RARB: variants seen among roughly 807,000 people sequenced by gnomAD.
The protein encoded by RARB is retinoic acid receptor beta, also known as HBV-activated protein.
Under a neutral mutation model 51.9 loss-of-function variants are expected in RARB, and 17 were observed. That is an observed-to-expected ratio of 0.33 (90% confidence interval 0.22 to 0.49). The LOEUF is 0.49. RARB is among the 20% of genes least tolerant of loss of function. The pLI, the probability that RARB is intolerant of heterozygous loss-of-function variation, is 0.99. For synonymous variants in RARB, 215 were observed against 195.4 expected, an observed-to-expected ratio of 1.10 and a Z score of -0.84; for missense variants, 369 against 550.8, an observed-to-expected ratio of 0.67 and a Z score of 3.30.
At chr3:25,414,612 AGTGGTGTCTTATTGTG>A (rs1362169949) in intron 5 of RARB, among the ~76,000 whole-genome samples, 1 of 152,220 alleles carries the variant, frequency 6.6e-6, no homozygotes, top group African/African-American at 2.4e-5. Context: ...ATAGGTATGT[AGTGGTGTCTTATTGTG>A]GTTTTAATTG....
intron 2 of RARB, among the ~76,000 whole-genome samples, chr3:24,875,364 T>C (rs1427350983): frequency 6.6e-6 from 1 of 152,168 alleles, no homozygotes; most frequent in Non-Finnish European, 1.5e-5. Context: ...TAATTTAGCA[T>C]TCTGGCTCCG....
intron 5 of RARB, among the ~76,000 whole-genome samples, chr3:25,193,649 T>G (rs969354220): frequency 6.6e-6 from 1 of 152,076 alleles, no homozygotes. Context: ...CACTGGAATA[T>G]ATTCTTTGCT....
chr3:25,374,835 G>T (rs75292870), intron 5 of RARB, among the ~76,000 whole-genome samples: 2,980 of 152,246 alleles, frequency 0.02, 90 homozygotes, highest in African/African-American at 0.064. Context: ...TAACACAAAT[G>T]TAGCTACACT....
At chr3:25,527,877 C>G (rs201548021) in intron 3 of RARB, among the ~76,000 whole-genome samples, 1 of 152,154 alleles carries the variant, frequency 6.6e-6, no homozygotes, top group African/African-American at 2.4e-5. Flanking sequence ...CTTCGCCCCC[C>G]ACAGATTTTC....
chr3:25,448,543 C>T (rs928775269), intron 1 of RARB, among the ~76,000 whole-genome samples: 1 of 152,244 alleles, frequency 6.6e-6, no homozygotes, highest in Admixed American at 6.5e-5. Context: ...TCTCGGCTCA[C>T]CACAATCTCT....
At chr3:25,273,220 C>T (rs1358396763) in intron 5 of RARB, among the ~76,000 whole-genome samples, 1 of 152,162 alleles carries the variant, frequency 6.6e-6, no homozygotes, top group Non-Finnish European at 1.5e-5. Flanking sequence ...AGAATCATTG[C>T]TGATATTTCT....
intron 5 of RARB, among the ~76,000 whole-genome samples, chr3:25,185,990 G>C (rs1314349826): frequency 6.6e-6 from 1 of 151,912 alleles, no homozygotes; most frequent in Non-Finnish European, 1.5e-5. Context: ...TCCAGTATTG[G>C]GTGAACAAAG....
At chr3:25,196,537 G>T (rs953861459) in intron 5 of RARB, among the ~76,000 whole-genome samples, 3 of 152,120 alleles carry the variant, frequency 2.0e-5, no homozygotes, top group Non-Finnish European at 4.4e-5. Context: ...ACATACGTGG[G>T]CATGTGTCTT....
intron 3 of RARB, among the ~76,000 whole-genome samples, chr3:25,545,681 A>G (rs1168833397): frequency 6.6e-6 from 1 of 152,126 alleles, no homozygotes; most frequent in Non-Finnish European, 1.5e-5. Flanking sequence ...CTCCCTGGGT[A>G]GCTACAAGCC....
At chr3:25,264,629 T>G (rs1410887637) in intron 5 of RARB, among the ~76,000 whole-genome samples, 1 of 152,238 alleles carries the variant, frequency 6.6e-6, no homozygotes, top group African/African-American at 2.4e-5. Flanking sequence ...TTATTAATTT[T>G]TATAAAGTTT....
chr3:25,392,945 G>A (rs1655092880), intron 5 of RARB, among the ~76,000 whole-genome samples: 1 of 152,084 alleles, frequency 6.6e-6, no homozygotes, highest in Non-Finnish European at 1.5e-5. Flanking sequence ...AGTGGTGAAT[G>A]TGTGCATCCT....
intron 3 of RARB, among the ~76,000 whole-genome samples, chr3:25,564,047 A>G (rs189643463): frequency 6.7e-6 from 1 of 149,390 alleles, no homozygotes; most frequent in East Asian, 2.0e-4. Context: ...TGTTTCCTGC[A>G]TTAAATTTTT....
chr3:25,013,280 T>C (rs2125280871), intron 2 of RARB, among the ~76,000 whole-genome samples: 1 of 152,224 alleles, frequency 6.6e-6, no homozygotes, highest in Non-Finnish European at 1.5e-5. Flanking sequence ...CTCAGACCCT[T>C]ATGTCAACCT....
chr3:25,174,374 CT>C, exon 5 of RARB: 1 of 1,351,314 alleles, frequency 7.4e-7, no homozygotes, highest in Non-Finnish European at 9.8e-7. Flanking sequence ...TCCAGAGCAC[CT>C]TTCTTTCTGT....
chr3:25,252,233 A>G (rs1442062655), intron 5 of RARB, among the ~76,000 whole-genome samples: 3 of 152,126 alleles, frequency 2.0e-5, no homozygotes, highest in Non-Finnish European at 4.4e-5. Context: ...TTCTTAGCCC[A>G]CTGTCTTGAT....
At chr3:25,310,485 G>T (rs567704639) in intron 5 of RARB, among the ~76,000 whole-genome samples, 1 of 152,282 alleles carries the variant, frequency 6.6e-6, no homozygotes, top group East Asian at 1.9e-4. Context: ...AGGGGGTTTG[G>T]ACATTTCATG....
At chr3:25,093,256 T>C (rs1323524121) in intron 3 of RARB, among the ~76,000 whole-genome samples, 1 of 152,180 alleles carries the variant, frequency 6.6e-6, no homozygotes, top group Non-Finnish European at 1.5e-5. Flanking sequence ...AGTAGCTGGA[T>C]TGGGACAGAA....
chr3:25,505,490 C>G (rs1022960325), intron 3 of RARB, among the ~76,000 whole-genome samples: 6 of 151,460 alleles, frequency 4.0e-5, no homozygotes, highest in African/African-American at 1.5e-4. Flanking sequence ...AGGGGATTTA[C>G]AAGTAAAAGA....
chr3:25,475,326 G>A (rs775396650), intron 2 of RARB, among the ~76,000 whole-genome samples: 5 of 151,934 alleles, frequency 3.3e-5, no homozygotes, highest in East Asian at 2.0e-4. Context: ...ATGAGGGATG[G>A]TAAGAGTGAC....
Sources: gnomAD v4.1 joint callset for allele counts (sites outside exome capture counted in the v4.1 genomes callset) on GRCh38, gnomAD v4.1.1 for gene constraint, MANE v1.5 for transcripts, NCBI Gene and HGNC (gene_info 2026-07-23, HGNC 2026-07-21) for gene names.